Variants in VSNL1 observed in about 807,000 individuals in gnomAD.
VSNL1 encodes the protein visinin-like protein 1.
A neutral mutation model predicts 20.4 loss-of-function variants in VSNL1; 6 were observed. That is an observed-to-expected ratio of 0.29 (90% CI 0.16 to 0.58). The LOEUF (loss-of-function observed/expected upper bound fraction) is 0.58. Ranked by LOEUF, VSNL1 falls within the 20% of genes least tolerant of loss-of-function variation. The pLI is 0.90. For synonymous variants in VSNL1, 93 were observed against 86.4 expected, an observed-to-expected ratio of 1.08 and a Z score of -0.42; for missense variants, 100 against 234.5, an observed-to-expected ratio of 0.43 and a Z score of 3.75.
At chr2:17,589,945 C>T (rs538786985) in intron 1 of VSNL1, among the ~76,000 whole-genome samples, 3 of 142,188 alleles carry the variant, frequency 2.1e-5, no homozygotes, top group Non-Finnish European at 3.2e-5. Flanking sequence ...TCCCTGCTTT[C>T]GCTCTTCCTG....
At chr2:17,641,725 A>G (rs1665886564) in intron 2 of VSNL1, among the ~76,000 whole-genome samples, 1 of 152,246 alleles carries the variant, frequency 6.6e-6, no homozygotes, top group Non-Finnish European at 1.5e-5. Flanking sequence ...AGATACTTAA[A>G]CTTACTTATA....
intron 1 of VSNL1, among the ~76,000 whole-genome samples, chr2:17,578,508 C>A (rs534332465): frequency 2.6e-5 from 4 of 152,234 alleles, no homozygotes; most frequent in African/African-American, 9.6e-5. Flanking sequence ...CTGAGTATCA[C>A]TTCACATAAC....
At chr2:17,562,751 C>G (rs1663848817) in intron 1 of VSNL1, among the ~76,000 whole-genome samples, 1 of 152,194 alleles carries the variant, frequency 6.6e-6, no homozygotes, top group South Asian at 2.1e-4. Context: ...GATTTATTGT[C>G]TTGTGAGATT....
At chr2:17,582,101 G>A (rs528431339) in intron 1 of VSNL1, among the ~76,000 whole-genome samples, 1 of 152,314 alleles carries the variant, frequency 6.6e-6, no homozygotes, top group South Asian at 2.1e-4. Context: ...TGTAGCTAAT[G>A]AGAACTGCCC....
chr2:17,557,851 C>A (rs1315675128), intron 1 of VSNL1, among the ~76,000 whole-genome samples: 1 of 152,182 alleles, frequency 6.6e-6, no homozygotes, highest in Non-Finnish European at 1.5e-5. Flanking sequence ...AATTTACAAG[C>A]ACCTGTGTGT....
At position 17,624,615 on chromosome 2, in the gene VSNL1, G is replaced by A. The variant is rs1003124299; in HGVS notation, c.163-24795G>A. 2.0e-5 allele frequency among the ~76,000 whole-genome samples: 3 copies of A among 152,118 alleles called. 1 individual carries two copies. The highest frequency in any genetic ancestry group is 1.3e-4 in the Admixed American group (2 of 15,274). The stretch of plus-strand genomic sequence containing the variant: ...GTGACTCAATGTGAGGATTCCGTCT[G>A]CCACCACTGCTTTTGAAGAAGGAGG... On this transcript the variant is annotated intron_variant, in intron 2 of 3. Coordinates refer to ENST00000295156, the MANE Select transcript of VSNL1 (RefSeq NM_003385.5).
At chr2:17,639,865 AT>A (rs2103420617) in intron 2 of VSNL1, among the ~76,000 whole-genome samples, 1 of 152,340 alleles carries the variant, frequency 6.6e-6, no homozygotes, top group South Asian at 2.1e-4. Flanking sequence ...AATACCGGGC[AT>A]TCTGACTCTG....
intron 2 of VSNL1, among the ~76,000 whole-genome samples, chr2:17,622,228 A>G (rs905391729): frequency 6.6e-6 from 1 of 150,902 alleles, no homozygotes; most frequent in Non-Finnish European, 1.5e-5. Context: ...AAAAAAAAAA[A>G]TCAGGCTGGG....
At chr2:17,601,930 C>T (rs1572358277) in intron 2 of VSNL1, among the ~76,000 whole-genome samples, 3 of 152,230 alleles carry the variant, frequency 2.0e-5, no homozygotes, top group Admixed American at 1.3e-4. Context: ...AGCGAGACTC[C>T]ACCTAAAAAA....
chr2:17,592,059 CT>C lies in VSNL1; in HGVS notation c.-5-7del, dbSNP rs1237151921. The C allele has an allele frequency of 1.2e-6, 2 of 1,613,450 alleles. No individual in the cohort carries two copies. Among genetic ancestry groups the C allele is most frequent in the East Asian group, 4.5e-5 (2 of 44,856 alleles). On this transcript the variant is annotated splice_polypyrimidine_tract_variant and intron_variant, in intron 1 of 3. Transcript: ENST00000295156. ...CCACAGCGCTAATTGAATTAATTTG[CT>C]TTTCTTCAGGCAGGATGGGGAAGCA...
chr2:17,641,460 T>C (rs768726393), intron 2 of VSNL1, among the ~76,000 whole-genome samples: 1 of 152,246 alleles, frequency 6.6e-6, no homozygotes, highest in Admixed American at 6.5e-5. Flanking sequence ...CAAAGTGTAA[T>C]TTGTTATTGA....
intron 1 of VSNL1, among the ~76,000 whole-genome samples, chr2:17,571,500 G>T (rs1291115763): frequency 6.6e-6 from 1 of 152,028 alleles, no homozygotes; most frequent in Non-Finnish European, 1.5e-5. Flanking sequence ...TATATGAAAT[G>T]AACACATTTA....
chr2:17,594,683 G>GC (rs749384197), intron 2 of VSNL1, among the ~76,000 whole-genome samples: 13 of 152,158 alleles, frequency 8.5e-5, no homozygotes, highest in Admixed American at 2.0e-4. Context: ...TCCTGTGTGT[G>GC]CAGTCAACCT....
In VSNL1 at chr2:17,646,592, A is replaced by T. The variant is rs539329260; in HGVS notation, c.163-2818A>T. 5.3e-5 allele frequency among the ~76,000 whole-genome samples: 8 copies of T among 152,356 alleles called. No individual in the cohort carries two copies. In the South Asian group the frequency reaches 1.5e-3, roughly 28 times the overall value. ...CACTAATACACATACACACACACAT[A>T]TACATATACATATGAGTGTGTATAT... On this transcript the variant is annotated intron_variant, in intron 2 of 3. Coordinates refer to ENST00000295156, the MANE Select transcript of VSNL1 (RefSeq NM_003385.5).
intron 1 of VSNL1, among the ~76,000 whole-genome samples, chr2:17,552,307 T>A (rs62130453): frequency 0.029 from 4,457 of 152,306 alleles, 64 homozygotes; most frequent in Middle Eastern, 0.054. Context: ...TCTGCAAGGT[T>A]AGCTTCATTT....
intron 2 of VSNL1, among the ~76,000 whole-genome samples, chr2:17,630,108 T>C (rs916319086): frequency 1.3e-5 from 2 of 152,150 alleles, no homozygotes; most frequent in Non-Finnish European, 2.9e-5. Flanking sequence ...AACGAGAAAA[T>C]AGATTCTCAA....
At chr2:17,638,247 T>C (rs1250599364) in intron 2 of VSNL1, among the ~76,000 whole-genome samples, 1 of 152,190 alleles carries the variant, frequency 6.6e-6, no homozygotes, top group East Asian at 1.9e-4. Context: ...TACTCATCCA[T>C]GTAATAGGGA....
chr2:17,647,238 G>A (rs1666017904), intron 2 of VSNL1, among the ~76,000 whole-genome samples: 1 of 152,130 alleles, frequency 6.6e-6, no homozygotes, highest in Non-Finnish European at 1.5e-5. Context: ...TAGGCTGTGA[G>A]ACATAAGATA....
rs150926590 is a variant in VSNL1 at position 17,573,819 on chromosome 2, C to G, written c.-5-18251C>G. Among the ~76,000 whole-genome samples the G allele has an allele frequency of 5.3e-5, 8 of 152,310 alleles. No individual in the cohort carries two copies. The East Asian group carries it at 1.4e-3, about 26-fold the overall frequency. On this transcript the variant is annotated intron_variant, in intron 1 of 3. Transcript: ENST00000295156. Reference sequence around the variant, plus strand: ...TGAGGCTTTGGAACAAGATCTGCCACAGATATTTTCTACACACTTAGAGAA... The same window carrying G: ...TGAGGCTTTGGAACAAGATCTGCCAGAGATATTTTCTACACACTTAGAGAA...
Sources: gnomAD v4.1 joint callset for allele counts (sites outside exome capture counted in the v4.1 genomes callset) on GRCh38, gnomAD v4.1.1 for gene constraint, MANE v1.5 for transcripts, NCBI Gene and HGNC (gene_info 2026-07-23, HGNC 2026-07-21) for gene names.